The following UQCRB variants were observed in gnomAD, a reference collection of about 807,000 sequenced individuals.
The protein encoded by UQCRB is ubiquinol-cytochrome c reductase binding protein, also known as cytochrome b-c1 complex subunit 7.
Under a neutral mutation model 19.8 loss-of-function variants are expected in UQCRB, and 12 were observed. The observed-to-expected ratio is 0.61, with a 90% CI of 0.39 to 0.98. The LOEUF (loss-of-function observed/expected upper bound fraction) is 0.98. Ranked by LOEUF, UQCRB falls within the 50% of genes least tolerant of loss-of-function variation. The pLI is 0.00. For missense variants in UQCRB, 142 were observed against 131.8 expected (o/e 1.08, Z -0.38); for synonymous variants, 39 against 42.9 (o/e 0.91, Z 0.35).
chr8:96,228,516 G>A lies in UQCRB; in HGVS notation c.*2539C>T, dbSNP rs1364220545. On this transcript the variant is annotated 3_prime_UTR_variant, in exon 4 of 4. Coordinates refer to ENST00000287022, the MANE Select transcript of UQCRB (RefSeq NM_006294.5). Reference sequence around the variant, plus strand: ...ACATAGAAGGAAGAGAGGAGACCTTGGACCTTAGCTACTGGTTAGCTATTC... The same window carrying A: ...ACATAGAAGGAAGAGAGGAGACCTTAGACCTTAGCTACTGGTTAGCTATTC... The A allele has an allele frequency of 2.2e-6, 1 of 453,982 alleles. No homozygotes were observed. Among genetic ancestry groups the A allele is most frequent in the Admixed American group, 2.3e-5 (1 of 42,560 alleles). 28.1% of individuals were successfully genotyped at this position (453,982 alleles called of 1,614,324 possible).
In UQCRB at chr8:96,229,641, A is replaced by G; in HGVS notation, c.*1414T>C. ...GCCTCCTTCTGCAAAGTAGGACTAC[A>G]TTAAAACCTTGTCACAATGTGACCT... On this transcript the variant is annotated 3_prime_UTR_variant, in exon 4 of 4. Coordinates refer to ENST00000287022, the MANE Select transcript of UQCRB (RefSeq NM_006294.5). The G allele has an allele frequency of 2.2e-6, 1 of 454,118 alleles. No homozygotes were observed. The highest frequency in any genetic ancestry group is 1.6e-5 in the South Asian group (1 of 64,480). 28.1% of individuals were successfully genotyped at this position (454,118 alleles called of 1,614,324 possible).
At position 96,225,046 on chromosome 8, in the gene UQCRB, T is replaced by C. The variant is rs769427120; in HGVS notation, c.*6009A>G. On this transcript the variant is annotated 3_prime_UTR_variant, in exon 4 of 4. Coordinates refer to ENST00000287022, the MANE Select transcript of UQCRB (RefSeq NM_006294.5). ...GTAAAAGGGGTACTATCTAAACATA[T>C]AAAGGTCTCATACAAATAGATAAGA... 1.3e-5 allele frequency among the ~76,000 whole-genome samples: 2 copies of C among 152,002 alleles called. No homozygotes were observed. The highest frequency in any genetic ancestry group is 2.9e-5 in the Non-Finnish European group (2 of 67,998).
chr8:96,235,521 T>C lies in UQCRB; in HGVS notation c.10A>G (p.Lys4Glu). MAG[K>E]QAVSASGKWL... ...ACCCCCAGTTACTTACCGGCCTGCT[T>C]ACCAGCCATTTTGACCAGAAAGAGA... Residue 4 changes from lysine (K) to glutamate (E), a missense_variant, in exon 1 of 4, where the codon AAG (lysine) becomes GAG (glutamate). This residue lies in a region of UQCRB where 132 missense variants were observed against 107.5 expected (regional missense o/e 1.23). Coordinates refer to ENST00000287022, the MANE Select transcript of UQCRB (RefSeq NM_006294.5). The C allele has an allele frequency of 6.2e-7, 1 of 1,614,228 alleles. No individual in the cohort carries two copies. The highest frequency in any genetic ancestry group is 8.5e-7 in the Non-Finnish European group (1 of 1,180,028).
chr8:96,235,188 T>G (rs1457549578), intron 1 of UQCRB: 3 of 513,214 alleles, frequency 5.8e-6, no homozygotes, highest in African/African-American at 1.9e-5. Flanking sequence ...AGTCATCCAC[T>G]AGTTATCCTC....
In UQCRB at chr8:96,229,675, C is replaced by A; in HGVS notation, c.*1380G>T. 2.2e-6 allele frequency: 1 copy of A among 453,490 alleles called. No homozygotes were observed. Among genetic ancestry groups the A allele is most frequent in the Non-Finnish European group, 4.4e-6 (1 of 226,670 alleles). The allele number at this position is 453,490 out of a possible 1,614,324, so 28.1% of individuals were successfully genotyped here. On this transcript the variant is annotated 3_prime_UTR_variant, in exon 4 of 4. Coordinates refer to ENST00000287022, the MANE Select transcript of UQCRB (RefSeq NM_006294.5). ...TTGTCACAATGTGACCTGAGCAAAA[C>A]CATTATCAAGTGATCTAGTTGTCTT... is the stretch of plus-strand genomic sequence containing the variant.
At position 96,229,489 on chromosome 8, in the gene UQCRB, T is replaced by C. The variant is rs1324703569; in HGVS notation, c.*1566A>G. The C allele has an allele frequency of 8.8e-6, 4 of 454,008 alleles. No homozygotes were observed. The highest frequency in any genetic ancestry group is 6.8e-4 in the Middle Eastern group (1 of 1,466). 28.1% of individuals were successfully genotyped at this position (454,008 alleles called of 1,614,324 possible). A position where few individuals can be genotyped will look rare whatever the true frequency, so the allele number is the denominator to read the frequency against. On this transcript the variant is annotated 3_prime_UTR_variant, in exon 4 of 4. Transcript: ENST00000287022. Reference sequence around the variant, plus strand: ...TGTGCACAGTAGACGTCTGAACGAATAGACCAGAGTCCTGCAAACGTGATC... The same window carrying C: ...TGTGCACAGTAGACGTCTGAACGAACAGACCAGAGTCCTGCAAACGTGATC...
chr8:96,229,970 G>A lies in UQCRB; in HGVS notation c.*1085C>T, dbSNP rs1324102546. 3 of 454,112 alleles carry A rather than the reference G, an allele frequency of 6.6e-6. No individual in the cohort carries two copies. Among genetic ancestry groups the A allele is most frequent in the Non-Finnish European group, 1.3e-5 (3 of 226,804 alleles). 28.1% of individuals were successfully genotyped at this position (454,112 alleles called of 1,614,324 possible). On this transcript the variant is annotated 3_prime_UTR_variant, in exon 4 of 4. Coordinates refer to ENST00000287022, the MANE Select transcript of UQCRB (RefSeq NM_006294.5). Reference sequence around the variant, plus strand: ...AGCAATGACTTGTCCTGGAAAACCAGGGAGGCTGCAGGTCCTACTGTTCCT... The same window carrying A: ...AGCAATGACTTGTCCTGGAAAACCAAGGAGGCTGCAGGTCCTACTGTTCCT...
chr8:96,232,255 A>G, intron 2 of UQCRB: 1 of 299,340 alleles, frequency 3.3e-6, no homozygotes, highest in Non-Finnish European at 6.4e-6. Context: ...CCATTTACAA[A>G]ATATTTTAAA....
intron 1 of UQCRB, chr8:96,233,539 A>C (rs1809725751): frequency 3.1e-6 from 1 of 322,252 alleles, no homozygotes; most frequent in South Asian, 3.4e-5. Flanking sequence ...AAAGATCCAT[A>C]GGTACATCGT....
chr8:96,234,565 A>G, intron 1 of UQCRB: 1 of 1,231,502 alleles, frequency 8.1e-7, no homozygotes, highest in South Asian at 1.3e-5. Context: ...AATTATTTAA[A>G]AAGTCTCCCC....
chr8:96,233,282 T>C (rs1000874704), intron 1 of UQCRB, 55 bp from the exon 2 acceptor site: 25 of 1,548,208 alleles, frequency 1.6e-5, no homozygotes, highest in East Asian at 9.0e-5. Flanking sequence ...TATGAACACA[T>C]TGATAGGCAA....
At position 96,224,796 on chromosome 8, in the gene UQCRB, A is replaced by G. The variant is rs1809499911; in HGVS notation, c.*6259T>C. Among the ~76,000 whole-genome samples the G allele has an allele frequency of 6.6e-6, 1 of 152,240 alleles. No individual in the cohort carries two copies. Among genetic ancestry groups the G allele is most frequent in the Non-Finnish European group, 1.5e-5 (1 of 68,046 alleles). The stretch of plus-strand genomic sequence containing the variant: ...TGTTTCTTATACCTAAAAGTACTGG[A>G]TGAAACCTTGCTGGATATTTATGAA... On this transcript the variant is annotated 3_prime_UTR_variant, in exon 4 of 4. Transcript: ENST00000287022.
rs1389162403 is a variant in UQCRB at position 96,229,307 on chromosome 8, C to T, written c.*1748G>A. 1 of 454,066 alleles carries T rather than the reference C, an allele frequency of 2.2e-6. No homozygotes were observed. Among genetic ancestry groups the T allele is most frequent in the Non-Finnish European group, 4.4e-6 (1 of 226,772 alleles). 28.1% of individuals were successfully genotyped at this position (454,066 alleles called of 1,614,324 possible). A position where few individuals can be genotyped will look rare whatever the true frequency, so the allele number is the denominator to read the frequency against. ...AGTCTTGGTCAGTTCTATTTGTTCC[C>T]CTGTCCTTCAGCAGTGCCCTTAGGC... On this transcript the variant is annotated 3_prime_UTR_variant, in exon 4 of 4. Coordinates refer to ENST00000287022, the MANE Select transcript of UQCRB (RefSeq NM_006294.5).
rs1809718207 is a variant in UQCRB, at chr8:96,233,230, G to A, written c.20-3C>T. 4 of 1,613,386 alleles carry A rather than the reference G, an allele frequency of 2.5e-6. No homozygotes were observed. Among genetic ancestry groups the A allele is most frequent in the Non-Finnish European group, 3.4e-6 (4 of 1,179,824 alleles). ...CAGCCACTTGCCTGATGCTGAAACT[G>A]ATAATTGTCACACTGTTAATTGCTA... On this transcript the variant is annotated splice_polypyrimidine_tract_variant and splice_region_variant and intron_variant, in intron 1 of 3. Coordinates refer to ENST00000287022, the MANE Select transcript of UQCRB (RefSeq NM_006294.5).
Position 96,224,538 on chromosome 8 carries a change from G to A in UQCRB, c.*6517C>T, listed in dbSNP as rs957569801. On this transcript the variant is annotated 3_prime_UTR_variant, in exon 4 of 4. Transcript: ENST00000287022. ...ATTTAGAATATGCAGCACAGCCAAC[G>A]TCTCACAGAATGAGAAGCCACAGAA... Among the ~76,000 whole-genome samples, 22 of 152,256 alleles carry A rather than the reference G, an allele frequency of 1.4e-4. 1 individual carries two copies. Among genetic ancestry groups the A allele is most frequent in the Admixed American group, 3.9e-4 (6 of 15,288 alleles).
chr8:96,235,219 A>G (rs1479735619), intron 1 of UQCRB: 13 of 567,192 alleles, frequency 2.3e-5, no homozygotes, highest in Non-Finnish European at 3.8e-5. Flanking sequence ...TAACTTTTCT[A>G]AGGCCAAGGG....
In UQCRB at chr8:96,223,512, T is replaced by C. The variant is rs138679005; in HGVS notation, c.*7543A>G. 6.6e-6 allele frequency among the ~76,000 whole-genome samples: 1 copy of C among 152,308 alleles called. No individual in the cohort carries two copies. The highest frequency in any genetic ancestry group is 1.9e-4 in the East Asian group (1 of 5,188). Reference sequence around the variant, plus strand: ...GTAAATAGTATTTATTATTGTTAAATAGTAAATGATTGGTTGAAGTAGTAA... The same window carrying C: ...GTAAATAGTATTTATTATTGTTAAACAGTAAATGATTGGTTGAAGTAGTAA... On this transcript the variant is annotated 3_prime_UTR_variant, in exon 4 of 4. Transcript: ENST00000287022.
chr8:96,230,041 C>T lies in UQCRB; in HGVS notation c.*1014G>A, dbSNP rs1473795449. ...ACACTCTCACCTCTACCAAAGAAAGCATTTCAGAATTTAGGAGTGGAAATG... is the reference window on the plus strand; with the variant it reads ...ACACTCTCACCTCTACCAAAGAAAGTATTTCAGAATTTAGGAGTGGAAATG... On this transcript the variant is annotated 3_prime_UTR_variant, in exon 4 of 4. Coordinates refer to ENST00000287022, the MANE Select transcript of UQCRB (RefSeq NM_006294.5). The T allele has an allele frequency of 6.6e-6, 3 of 453,948 alleles. No individual in the cohort carries two copies. Among genetic ancestry groups the T allele is most frequent in the Non-Finnish European group, 1.3e-5 (3 of 226,798 alleles). The allele number at this position is 453,948 out of a possible 1,614,324, so 28.1% of individuals were successfully genotyped here.
chr8:96,234,662 G>A (rs2129824745), intron 1 of UQCRB: 1 of 451,432 alleles, frequency 2.2e-6, no homozygotes, highest in African/African-American at 2.1e-5. Context: ...TGCTGGGGGC[G>A]GGGAGAAAAG....
Sources: gnomAD v4.1 joint callset for allele counts (sites outside exome capture counted in the v4.1 genomes callset) on GRCh38, gnomAD v4.1.1 for gene constraint, gnomAD v4.1.1 regional missense constraint, MANE v1.5 for transcripts, NCBI Gene and HGNC (gene_info 2026-07-23, HGNC 2026-07-21) for gene names.